Variants in HOXB8 observed in about 807,000 individuals in gnomAD.
HOXB8 encodes homeobox protein Hox-B8.
A neutral mutation model predicts 22.2 loss-of-function variants in HOXB8; 17 were observed. That is an observed-to-expected ratio of 0.77 (90% CI 0.53 to 1.15). The LOEUF is 1.15. HOXB8 is among the 50% of genes most tolerant of loss of function. The pLI is 0.00. For missense variants in HOXB8, 287 were observed against 323.8 expected (o/e 0.89, Z 0.87); for synonymous variants, 156 against 144.6 (o/e 1.08, Z -0.57).
chr17:48,614,225 A>AGGCCCCTTGCCC lies in HOXB8; in HGVS notation c.424+55_424+56insGGGCAAGGGGCC, dbSNP rs11267100. 3.7e-6 allele frequency: 5 copies of AGGCCCCTTGCCC among 1,354,988 alleles called. No homozygotes were observed. In the Admixed American group the frequency reaches 1.7e-4, roughly 45 times the overall value. The allele number at this position is 1,354,988 out of a possible 1,614,324, so 83.9% of individuals were successfully genotyped here. A position where few individuals can be genotyped will look rare whatever the true frequency, so the allele number is the denominator to read the frequency against. ...TGGAGGAAATGCGCCCCGGCCTGCC[A>AGGCCCCTTGCCC]GGCCTTGGGCCCTTCCGGCCCCCTC... On this transcript the variant is annotated intron_variant, in intron 1 of 1. Transcript: ENST00000239144. This position sits in a 1 kb window ranked among gnomAD's most constrained non-coding sequence, Gnocchi z 4.1.
At position 48,613,276 on chromosome 17, in the gene HOXB8, GCTC is replaced by G; in HGVS notation, c.655_657del (p.Glu219del). 2 of 1,613,952 alleles carry G rather than the reference GCTC, an allele frequency of 1.2e-6. No homozygotes were observed. Among genetic ancestry groups the G allele is most frequent in the Non-Finnish European group, 1.7e-6 (2 of 1,179,930 alleles). ...GCCCGCTCCAGCTTCTGTTTCTCCA[GCTC>G]CTCCTGCTCGCATTTGCTGCTGGGG... On this transcript the variant is annotated inframe_deletion, in exon 2 of 2. Transcript: ENST00000239144.
chr17:48,613,652 G>GC (rs1485238030), intron 1 of HOXB8, 143 bp from the exon 2 acceptor site: 18 of 637,736 alleles, frequency 2.8e-5, no homozygotes, highest in Non-Finnish European at 3.3e-5. Context: ...GCGGGGGCGG[G>GC]GGGGGCGCAA....
chr17:48,614,082 G>T lies in HOXB8; in HGVS notation c.424+199C>A, dbSNP rs1394012120. Among the ~76,000 whole-genome samples, 1 of 152,116 alleles carries T rather than the reference G, an allele frequency of 6.6e-6. No homozygotes were observed. The highest frequency in any genetic ancestry group is 1.9e-4 in the East Asian group (1 of 5,186). On this transcript the variant is annotated intron_variant, in intron 1 of 1. Transcript: ENST00000239144. The surrounding 1 kb of genome is among the most constrained non-coding windows in gnomAD (Gnocchi z 4.1). ...CAGGATGAGGGGTTTATAGATTCAG[G>T]AAATGTTTCTAAGCGACCCCCTTCA...
At position 48,612,978 on chromosome 17, in the gene HOXB8, C is replaced by T. The variant is rs1372336950; in HGVS notation, c.*224G>A. 4.8e-6 allele frequency: 1 copy of T among 206,480 alleles called. No individual in the cohort carries two copies. The highest frequency in any genetic ancestry group is 9.5e-6 in the Non-Finnish European group (1 of 105,640). The allele number at this position is 206,480 out of a possible 1,614,324, so 12.8% of individuals were successfully genotyped here. A position where few individuals can be genotyped will look rare whatever the true frequency, so the allele number is the denominator to read the frequency against. On this transcript the variant is annotated 3_prime_UTR_variant, in exon 2 of 2. Transcript: ENST00000239144. ...TTAAATCCTTTTCTTTCCCCCCGGC[C>T]CCCAAGAGAAGGGAAGGAGATCCAC...
chr17:48,614,142 GA>G lies in HOXB8; in HGVS notation c.424+138del. 1 of 626,916 alleles carries G rather than the reference GA, an allele frequency of 1.6e-6. No homozygotes were observed. The highest frequency in any genetic ancestry group is 2.5e-6 in the Non-Finnish European group (1 of 394,670). 38.8% of individuals were successfully genotyped at this position (626,916 alleles called of 1,614,324 possible). A position where few individuals can be genotyped will look rare whatever the true frequency, so the allele number is the denominator to read the frequency against. ...AAAAAGAAAGAAGAAAGAAAGATAA[GA>G]AAGAAAGGGGAAAAGCGGCAGGCGA... On this transcript the variant is annotated intron_variant, in intron 1 of 1. Coordinates refer to ENST00000239144, the MANE Select transcript of HOXB8 (RefSeq NM_024016.4). This position sits in a 1 kb window ranked among gnomAD's most constrained non-coding sequence, Gnocchi z 4.1.
rs1250596123 is a variant in HOXB8, at chr17:48,613,050, G to C, written c.*152C>G. ...ATTACGAGATACTACCACTAGCGGGGACTGGCGCGGCGGGGGACGCTGCGG... is the reference window on the plus strand; with the variant it reads ...ATTACGAGATACTACCACTAGCGGGCACTGGCGCGGCGGGGGACGCTGCGG... On this transcript the variant is annotated 3_prime_UTR_variant, in exon 2 of 2. Transcript: ENST00000239144. 6 of 288,480 alleles carry C rather than the reference G, an allele frequency of 2.1e-5. No individual in the cohort carries two copies. The highest frequency in any genetic ancestry group is 3.6e-5 in the Non-Finnish European group (6 of 168,066). The allele number at this position is 288,480 out of a possible 1,614,324, so 17.9% of individuals were successfully genotyped here.
rs2070660755 is a variant in HOXB8 at position 48,612,383 on chromosome 17, G to C, written c.*819C>G. The C allele has an allele frequency of 6.6e-6, 1 of 152,454 alleles. No homozygotes were observed. Among genetic ancestry groups the C allele is most frequent in the Non-Finnish European group, 1.5e-5 (1 of 68,006 alleles). 9.4% of individuals were successfully genotyped at this position (152,454 alleles called of 1,614,324 possible). On this transcript the variant is annotated 3_prime_UTR_variant, in exon 2 of 2. Coordinates refer to ENST00000239144, the MANE Select transcript of HOXB8 (RefSeq NM_024016.4). ...TTGTAAACTTTATTGTAACTCTTCC[G>C]CCCTTTTCAGGCGCAGACAACAGAA...
At position 48,614,861 on chromosome 17, in the gene HOXB8, G is replaced by A; in HGVS notation, c.-157C>T. ...AGGAAAGGAGAGGGAAAGAGAGGAG[G>A]GAAAAAAAGAAAAGAAAGAAAAGGC... On this transcript the variant is annotated 5_prime_UTR_variant, in exon 1 of 2. Coordinates refer to ENST00000239144, the MANE Select transcript of HOXB8 (RefSeq NM_024016.4). The surrounding 1 kb of genome is among the most constrained non-coding windows in gnomAD (Gnocchi z 4.1). 3 of 578,634 alleles carry A rather than the reference G, an allele frequency of 5.2e-6. No homozygotes were observed. Among genetic ancestry groups the A allele is most frequent in the Non-Finnish European group, 5.8e-6 (2 of 344,178 alleles). 35.8% of individuals were successfully genotyped at this position (578,634 alleles called of 1,614,324 possible).
In HOXB8 at chr17:48,614,195, GA is replaced by G; in HGVS notation, c.424+85del. ...CGGAACGGAGCCGGCAAGTCTTCCA[GA>G]AGCTGGAGGAAATGCGCCCCGGCCT... On this transcript the variant is annotated intron_variant, in intron 1 of 1. Transcript: ENST00000239144. The surrounding 1 kb of genome is among the most constrained non-coding windows in gnomAD (Gnocchi z 4.1). The G allele has an allele frequency of 8.8e-7, 1 of 1,133,126 alleles. No homozygotes were observed. The allele number at this position is 1,133,126 out of a possible 1,614,324, so 70.2% of individuals were successfully genotyped here.
rs1229955612 is a variant in HOXB8 at position 48,614,002 on chromosome 17, C to A, written c.424+279G>T. Among the ~76,000 whole-genome samples the A allele has an allele frequency of 1.3e-5, 2 of 151,774 alleles. No homozygotes were observed. Among genetic ancestry groups the A allele is most frequent in the Non-Finnish European group, 2.9e-5 (2 of 67,964 alleles). On this transcript the variant is annotated intron_variant, in intron 1 of 1. Transcript: ENST00000239144. This position sits in a 1 kb window ranked among gnomAD's most constrained non-coding sequence, Gnocchi z 4.1. ...CTCCCACCACCCTCTCTTCACTACC[C>A]CCCATAAAACAGTAAAAGGGGAAAA... is the stretch of plus-strand genomic sequence containing the variant.
Position 48,613,403 on chromosome 17 carries a change from G to T in HOXB8, c.531C>A (p.Ile177=), listed in dbSNP as rs139515389. The stretch of plus-strand genomic sequence containing the variant: ...TCAGTCCCAGGGCGTGCGATACCTC[G>T]ATTCGCCGCTTACGAGTCAGATAGG... ...FNPYLTRKRR[I]EVSHALGLTE... is the part of the protein sequence containing the mutation. Residue 177 remains isoleucine (I), a synonymous_variant, in exon 2 of 2, where the codon ATC becomes ATA. Coordinates refer to ENST00000239144, the MANE Select transcript of HOXB8 (RefSeq NM_024016.4). The T allele has an allele frequency of 1.2e-4, 198 of 1,613,826 alleles. 1 individual carries two copies. The African/African-American group carries it at 1.3e-3, about 11-fold the overall frequency.
In HOXB8 at chr17:48,613,343, C is replaced by T. The variant is rs1343009669; in HGVS notation, c.591G>A (p.Arg197=). Reference sequence around the variant, plus strand: ...TGTTCTCTTTTTTCCACTTCATCCTCCGGTTCTGGAACCAGATTTTGACCT... The same window carrying T: ...TGTTCTCTTTTTTCCACTTCATCCTTCGGTTCTGGAACCAGATTTTGACCT... ...ERQVKIWFQN[R]RMKWKKENNK... Residue 197 remains arginine (R), a synonymous_variant, in exon 2 of 2, where the codon CGG becomes CGA. Coordinates refer to ENST00000239144, the MANE Select transcript of HOXB8 (RefSeq NM_024016.4). The T allele has an allele frequency of 1.2e-6, 2 of 1,614,076 alleles. No homozygotes were observed. Among genetic ancestry groups the T allele is most frequent in the Admixed American group, 3.3e-5 (2 of 60,016 alleles).
rs1323232389 is a variant in HOXB8, at chr17:48,615,199, T to G, written c.-495A>C. Among the ~76,000 whole-genome samples, 1 of 149,586 alleles carries G rather than the reference T, an allele frequency of 6.7e-6. No homozygotes were observed. Among genetic ancestry groups the G allele is most frequent in the African/African-American group, 2.5e-5 (1 of 40,440 alleles). ...CATCCTATTGGCTTCTTCGTACTCC[T>G]CCCGGACAGAACGCAGAGCGAGGGT... is the stretch of plus-strand genomic sequence containing the variant. On this transcript the variant is annotated 5_prime_UTR_variant, in exon 1 of 2. Transcript: ENST00000239144.
chr17:48,615,000 C>A lies in HOXB8; in HGVS notation c.-296G>T. 4.1e-6 allele frequency: 1 copy of A among 243,754 alleles called. No homozygotes were observed. The highest frequency in any genetic ancestry group is 1.1e-3 in the Middle Eastern group (1 of 882). 15.1% of individuals were successfully genotyped at this position (243,754 alleles called of 1,614,324 possible). ...AGCCGCGGCTCGCTCGCCCTCCCCC[C>A]ACCCCCCACCCCCCAAACAAAAATA... On this transcript the variant is annotated 5_prime_UTR_variant, in exon 1 of 2. Transcript: ENST00000239144. The surrounding 1 kb of genome is among the most constrained non-coding windows in gnomAD (Gnocchi z 4.1).
Position 48,614,179 on chromosome 17 carries a change from G to T in HOXB8, c.424+102C>A. ...AAAAGCGGCAGGCGATCGGAACGGA[G>T]CCGGCAAGTCTTCCAGAAGCTGGAG... On this transcript the variant is annotated intron_variant, in intron 1 of 1. Coordinates refer to ENST00000239144, the MANE Select transcript of HOXB8 (RefSeq NM_024016.4). This position sits in a 1 kb window ranked among gnomAD's most constrained non-coding sequence, Gnocchi z 4.1. The T allele has an allele frequency of 1.1e-6, 1 of 932,430 alleles. No homozygotes were observed. Among genetic ancestry groups the T allele is most frequent in the Non-Finnish European group, 1.5e-6 (1 of 657,426 alleles). The allele number at this position is 932,430 out of a possible 1,614,324, so 57.8% of individuals were successfully genotyped here.
chr17:48,612,977 C>A lies in HOXB8; in HGVS notation c.*225G>T, dbSNP rs1246828451. 9.8e-6 allele frequency: 2 copies of A among 204,918 alleles called. No individual in the cohort carries two copies. The highest frequency in any genetic ancestry group is 2.3e-5 in the African/African-American group (1 of 42,864). 12.7% of individuals were successfully genotyped at this position (204,918 alleles called of 1,614,324 possible). Reference sequence around the variant, plus strand: ...CTTAAATCCTTTTCTTTCCCCCCGGCCCCCAAGAGAAGGGAAGGAGATCCA... The same window carrying A: ...CTTAAATCCTTTTCTTTCCCCCCGGACCCCAAGAGAAGGGAAGGAGATCCA... On this transcript the variant is annotated 3_prime_UTR_variant, in exon 2 of 2. Transcript: ENST00000239144.
At chr17:48,613,775 G>C (rs2070689220) in intron 1 of HOXB8, among the ~76,000 whole-genome samples, 1 of 152,126 alleles carries the variant, frequency 6.6e-6, no homozygotes, top group South Asian at 2.1e-4. Flanking sequence ...AGTTGTGTAG[G>C]AGGTGGTTCA....
At position 48,614,937 on chromosome 17, in the gene HOXB8, A is replaced by G. The variant is rs2070707426; in HGVS notation, c.-233T>C. On this transcript the variant is annotated 5_prime_UTR_variant, in exon 1 of 2. Coordinates refer to ENST00000239144, the MANE Select transcript of HOXB8 (RefSeq NM_024016.4). This position sits in a 1 kb window ranked among gnomAD's most constrained non-coding sequence, Gnocchi z 4.1. ...TTTTTGTGGTTTCCAGGAATAGAAA[A>G]GGACAGAGAAGCCTCCAAAAGTCTA... The G allele has an allele frequency of 8.8e-6, 4 of 455,938 alleles. No homozygotes were observed. Among genetic ancestry groups the G allele is most frequent in the African/African-American group, 6.0e-5 (3 of 49,638 alleles). The allele number at this position is 455,938 out of a possible 1,614,324, so 28.2% of individuals were successfully genotyped here. A position where few individuals can be genotyped will look rare whatever the true frequency, so the allele number is the denominator to read the frequency against.
rs1411918461 is a variant in HOXB8, at chr17:48,612,382, C to T, written c.*820G>A. Reference sequence around the variant, plus strand: ...CTTGTAAACTTTATTGTAACTCTTCCGCCCTTTTCAGGCGCAGACAACAGA... The same window carrying T: ...CTTGTAAACTTTATTGTAACTCTTCTGCCCTTTTCAGGCGCAGACAACAGA... On this transcript the variant is annotated 3_prime_UTR_variant, in exon 2 of 2. Transcript: ENST00000239144. 6.6e-6 allele frequency: 1 copy of T among 152,598 alleles called. No homozygotes were observed. The highest frequency in any genetic ancestry group is 1.5e-5 in the Non-Finnish European group (1 of 68,044). The allele number at this position is 152,598 out of a possible 1,614,324, so 9.5% of individuals were successfully genotyped here. A position where few individuals can be genotyped will look rare whatever the true frequency, so the allele number is the denominator to read the frequency against.
Sources: gnomAD v4.1 joint callset for allele counts (sites outside exome capture counted in the v4.1 genomes callset) on GRCh38, gnomAD v4.1.1 for gene constraint, Gnocchi (gnomAD v3.1) non-coding constraint, MANE v1.5 for transcripts, NCBI Gene and HGNC (gene_info 2026-07-23, HGNC 2026-07-21) for gene names.